Variants in PTPRR observed in about 807,000 individuals in gnomAD.
The protein encoded by PTPRR is receptor-type tyrosine-protein phosphatase R.
A neutral mutation model predicts 77.2 loss-of-function variants in PTPRR; 38 were observed. That is an observed-to-expected ratio of 0.49 (90% CI 0.38 to 0.65). The LOEUF (loss-of-function observed/expected upper bound fraction) is 0.65, where lower values mean the gene tolerates loss of function less well. Ranked by LOEUF, PTPRR falls within the 30% of genes least tolerant of loss-of-function variation. PTPRR has a pLI of 0.00. For missense variants in PTPRR, 744 were observed against 799.2 expected (o/e 0.93, Z 0.83); for synonymous variants, 299 against 283.1 (o/e 1.06, Z -0.57).
rs557018609 is a variant in PTPRR, at chr12:70,913,188, A to G, written c.58+7145T>C. On this transcript the variant is annotated intron_variant, in intron 1 of 13. Transcript: ENST00000283228. ...AAAATAGTCTCCATTCTTCAGGTGT[A>G]AGAATGTCTTCTATGAGAAAAAATA... 9.2e-5 allele frequency among the ~76,000 whole-genome samples: 14 copies of G among 152,280 alleles called. No individual in the cohort carries two copies. In the South Asian group the frequency reaches 2.9e-3, roughly 32 times the overall value.
intron 1 of PTPRR, among the ~76,000 whole-genome samples, chr12:70,919,678 T>G (rs1289978055): frequency 1.5e-4 from 3 of 20,596 alleles, no homozygotes; most frequent in East Asian, 3.1e-3. Context: ...TAATTGTTTT[T>G]TTTTTTTTTT....
At chr12:70,761,754 T>G in intron 3 of PTPRR, 128 bp from the exon 4 acceptor site, 1 of 664,158 alleles carries the variant, frequency 1.5e-6, no homozygotes, top group Non-Finnish European at 2.3e-6. Context: ...TTGTGGAGAT[T>G]ATATTTATTA....
chr12:70,807,979 A>G (rs945030929), intron 2 of PTPRR, among the ~76,000 whole-genome samples: 1 of 152,182 alleles, frequency 6.6e-6, no homozygotes, highest in Non-Finnish European at 1.5e-5. Context: ...GGACAGAGCC[A>G]TATTTCTCTT....
At chr12:70,639,368 C>T in intron 13 of PTPRR, 91 bp from the exon 14 acceptor site, 1 of 1,483,988 alleles carries the variant, frequency 6.7e-7, no homozygotes, top group Non-Finnish European at 9.2e-7. Context: ...GGGTATTATG[C>T]CAAAGACACA....
At chr12:70,783,324 G>C (rs544903728) in intron 2 of PTPRR, among the ~76,000 whole-genome samples, 18 of 152,066 alleles carry the variant, frequency 1.2e-4, no homozygotes, top group Non-Finnish European at 2.2e-4. Flanking sequence ...TGGTTGTGCA[G>C]ACATCTACTG....
chr12:70,646,610 T>C (rs1487512621), intron 13 of PTPRR, among the ~76,000 whole-genome samples: 1 of 152,194 alleles, frequency 6.6e-6, no homozygotes, highest in Non-Finnish European at 1.5e-5. Context: ...AGACCTCTTG[T>C]TGTGATCTCA....
At chr12:70,814,218 G>T (rs1175781559) in intron 2 of PTPRR, among the ~76,000 whole-genome samples, 3 of 152,174 alleles carry the variant, frequency 2.0e-5, no homozygotes, top group Admixed American at 2.0e-4. Context: ...ACCTAGAGGG[G>T]CAGGCTGTCC....
chr12:70,754,824 T>G, intron 4 of PTPRR: 1 of 1,221,454 alleles, frequency 8.2e-7, no homozygotes, highest in Middle Eastern at 2.0e-4. Flanking sequence ...TTTTTTTTTT[T>G]CAAATAGAGT....
chr12:70,807,203 C>G (rs1217619554), intron 2 of PTPRR, among the ~76,000 whole-genome samples: 10 of 152,238 alleles, frequency 6.6e-5, no homozygotes, highest in Admixed American at 2.6e-4. Context: ...AAAGGATAGA[C>G]AAGTAAAGGG....
intron 6 of PTPRR, among the ~76,000 whole-genome samples, chr12:70,730,786 G>A (rs1329509674): frequency 6.6e-6 from 1 of 151,682 alleles, no homozygotes; most frequent in African/African-American, 2.4e-5. Flanking sequence ...ATCATGCCAC[G>A]CCACTCCAGC....
At chr12:70,822,700 C>G (rs1892037706) in intron 2 of PTPRR, among the ~76,000 whole-genome samples, 1 of 152,152 alleles carries the variant, frequency 6.6e-6, no homozygotes, top group Non-Finnish European at 1.5e-5. Context: ...TCACTCTATC[C>G]ATCAATATCA....
intron 2 of PTPRR, among the ~76,000 whole-genome samples, chr12:70,840,485 A>G (rs961389443): frequency 6.6e-5 from 10 of 152,174 alleles, no homozygotes; most frequent in Admixed American, 3.9e-4. Context: ...CCCAGGAACT[A>G]GGATGTGGAC....
intron 1 of PTPRR, among the ~76,000 whole-genome samples, chr12:70,899,597 A>G (rs933906577): frequency 6.6e-6 from 1 of 151,398 alleles, no homozygotes; most frequent in Non-Finnish European, 1.5e-5. Flanking sequence ...CCTACACCAA[A>G]CCCCACAGTA....
intron 2 of PTPRR, among the ~76,000 whole-genome samples, chr12:70,787,115 T>A (rs2137005316): frequency 6.6e-6 from 1 of 152,324 alleles, no homozygotes; most frequent in Non-Finnish European, 1.5e-5. Context: ...ATAACTTTGA[T>A]GCACAACATG....
At chr12:70,884,567 T>A (rs967268567) in intron 2 of PTPRR, among the ~76,000 whole-genome samples, 1 of 151,972 alleles carries the variant, frequency 6.6e-6, no homozygotes, top group Non-Finnish European at 1.5e-5. Flanking sequence ...TTGTGGAAAT[T>A]TTGGATTAAA....
Position 70,920,576 on chromosome 12 carries a change from G to T in PTPRR, c.-186C>A. 1 of 578,080 alleles carries T rather than the reference G, an allele frequency of 1.7e-6. No individual in the cohort carries two copies. The highest frequency in any genetic ancestry group is 1.9e-5 in the South Asian group (1 of 52,414). The allele number at this position is 578,080 out of a possible 1,614,324, so 35.8% of individuals were successfully genotyped here. ...CACCAGCTTCAACCTCCCTAAGAGA[G>T]GGAGAGAGGAAGAGCAGTAGGAGGT... On this transcript the variant is annotated 5_prime_UTR_variant, in exon 1 of 14. Coordinates refer to ENST00000283228, the MANE Select transcript of PTPRR (RefSeq NM_002849.4).
intron 1 of PTPRR, among the ~76,000 whole-genome samples, chr12:70,900,986 T>C (rs764700227): frequency 1.3e-4 from 19 of 151,574 alleles, no homozygotes; most frequent in Non-Finnish European, 2.7e-4. Context: ...TTTTGAATTT[T>C]GGATTTTTTT....
Position 70,773,019 on chromosome 12 carries a change from C to A in PTPRR, c.358-8241G>T, listed in dbSNP as rs73345109. Among the ~76,000 whole-genome samples the A allele has an allele frequency of 7.7e-3, 1,174 of 152,176 alleles. 20 individuals are homozygous for A. Among genetic ancestry groups the A allele is most frequent in the African/African-American group, 0.027 (1,104 of 41,506 alleles). ...TGCTTCTTCTAGCTTCTGGTGTTTG[C>A]CAGCAATCCTTGGGATTCCTTGGAT... On this transcript the variant is annotated intron_variant, in intron 2 of 13. Coordinates refer to ENST00000283228, the MANE Select transcript of PTPRR (RefSeq NM_002849.4).
chr12:70,692,108 T>C (rs1331183160), intron 8 of PTPRR, among the ~76,000 whole-genome samples: 2 of 152,224 alleles, frequency 1.3e-5, no homozygotes, highest in African/African-American at 4.8e-5. Flanking sequence ...TAAACAAATC[T>C]GAACCATATT....
Sources: allele counts gnomAD v4.1 joint callset (sites outside exome capture counted in the v4.1 genomes callset), GRCh38; gene constraint gnomAD v4.1.1; transcripts MANE v1.5; gene names NCBI Gene and HGNC (gene_info 2026-07-23, HGNC 2026-07-21).